Variants in MBD5 observed in about 807,000 individuals in gnomAD.
MBD5 encodes methyl-CpG binding domain protein 5.
Under a neutral mutation model 117.3 loss-of-function variants are expected in MBD5, and 13 were observed. That is an observed-to-expected ratio of 0.11 (90% CI 0.07 to 0.18). MBD5 has a LOEUF of 0.18. MBD5 is among the 10% of genes least tolerant of loss of function. MBD5 has a pLI of 1.00. For synonymous variants in MBD5, 727 were observed against 766.4 expected (o/e 0.95, Z 0.85); for missense variants, 1,879 against 2,093.8 (o/e 0.90, Z 2.00).
intron 1 of MBD5, among the ~76,000 whole-genome samples, chr2:148,061,897 A>C (rs72855289): frequency 6.6e-6 from 1 of 150,888 alleles, no homozygotes; most frequent in Non-Finnish European, 1.5e-5. Flanking sequence ...GGTCCTCAGG[A>C]TTTTAAATAT....
chr2:148,383,477 C>T (rs985574054), intron 4 of MBD5, among the ~76,000 whole-genome samples: 1 of 151,994 alleles, frequency 6.6e-6, no homozygotes, highest in Non-Finnish European at 1.5e-5. Context: ...CCTTACCAAC[C>T]AAAAGAAGTC....
At position 148,417,288 on chromosome 2, in the gene MBD5, CTTT is replaced by C. The variant is rs745409695; in HGVS notation, c.-556-40895_-556-40893del. On this transcript the variant is annotated intron_variant, in intron 4 of 13. Coordinates refer to ENST00000642680, the MANE Select transcript of MBD5 (RefSeq NM_001378120.1). Reference sequence around the variant, plus strand: ...CAGACATGTGCCACCATGCACAGCTCTTTTTTTTTTTTTTTTTTTTTTGTACTT... The same window carrying C: ...CAGACATGTGCCACCATGCACAGCTCTTTTTTTTTTTTTTTTTTTGTACTT... Among the ~76,000 whole-genome samples the C allele has an allele frequency of 1.1e-3, 104 of 91,818 alleles. 1 individual carries two copies. The highest frequency in any genetic ancestry group is 1.4e-3 in the Non-Finnish European group (70 of 49,372). 60.2% of individuals were successfully genotyped at this position (91,818 alleles called of 152,430 possible). A position where few individuals can be genotyped will look rare whatever the true frequency, so the allele number is the denominator to read the frequency against.
chr2:148,332,590 T>C (rs1702687326), intron 3 of MBD5, among the ~76,000 whole-genome samples: 1 of 152,206 alleles, frequency 6.6e-6, no homozygotes, highest in South Asian at 2.1e-4. Context: ...GGTTTGTAAT[T>C]CATTTTCTTT....
At chr2:148,044,982 T>A (rs1694475968) in intron 1 of MBD5, 1 of 152,210 alleles carries the variant, frequency 6.6e-6, no homozygotes, top group African/African-American at 2.4e-5. Context: ...TGGTAACTGT[T>A]GAATTCAATT....
At chr2:148,055,565 T>G (rs538834873) in intron 1 of MBD5, 19 of 152,654 alleles carry the variant, frequency 1.2e-4, no homozygotes, top group African/African-American at 4.1e-4. Context: ...TCTGAGTAAC[T>G]GGGACTACAT....
At chr2:148,332,800 C>G (rs1384819254) in intron 3 of MBD5, among the ~76,000 whole-genome samples, 1 of 151,852 alleles carries the variant, frequency 6.6e-6, no homozygotes, top group African/African-American at 2.4e-5. Context: ...CTCAGTGAGC[C>G]CTTTTAATCT....
chr2:148,109,169 C>T (rs909831730), intron 1 of MBD5, among the ~76,000 whole-genome samples: 1 of 152,118 alleles, frequency 6.6e-6, no homozygotes. Flanking sequence ...CCTATAATCT[C>T]AGCACTTTGG....
chr2:148,273,173 A>G (rs1003879916), intron 3 of MBD5, among the ~76,000 whole-genome samples: 1 of 152,182 alleles, frequency 6.6e-6, no homozygotes, highest in African/African-American at 2.4e-5. Context: ...TCATGCTTCC[A>G]ACCTCACAAA....
chr2:148,310,705 CT>C (rs1390054622), intron 3 of MBD5, among the ~76,000 whole-genome samples: 1 of 152,056 alleles, frequency 6.6e-6, no homozygotes, highest in Non-Finnish European at 1.5e-5. Context: ...AATTTGTTTG[CT>C]CTTACTTCTT....
At chr2:148,072,224 G>A (rs1189305137) in intron 1 of MBD5, among the ~76,000 whole-genome samples, 1 of 151,912 alleles carries the variant, frequency 6.6e-6, no homozygotes, top group South Asian at 2.1e-4. Context: ...AATACCTTTG[G>A]GTAATTAGAC....
At chr2:148,425,901 C>A (rs546247433) in intron 4 of MBD5, among the ~76,000 whole-genome samples, 1 of 152,216 alleles carries the variant, frequency 6.6e-6, no homozygotes, top group African/African-American at 2.4e-5. Flanking sequence ...ATAATAAGAG[C>A]TATGTATGTC....
At chr2:148,245,377 C>G (rs1023786493) in intron 3 of MBD5, among the ~76,000 whole-genome samples, 5 of 152,244 alleles carry the variant, frequency 3.3e-5, no homozygotes, top group African/African-American at 1.2e-4. Context: ...AGGCGCCCAC[C>G]ACCATTCCTG....
At chr2:148,386,553 C>A (rs1363933885) in intron 4 of MBD5, among the ~76,000 whole-genome samples, 1 of 151,156 alleles carries the variant, frequency 6.6e-6, no homozygotes, top group Non-Finnish European at 1.5e-5. Context: ...CCCGTCTCTA[C>A]TAAAAATACA....
rs1440368277 is a variant in MBD5 at position 148,233,357 on chromosome 2, T to C, written c.-718T>C. 4 of 152,152 alleles carry C rather than the reference T, an allele frequency of 2.6e-5. No individual in the cohort carries two copies. The highest frequency in any genetic ancestry group is 5.9e-5 in the Non-Finnish European group (4 of 68,022). 9.4% of individuals were successfully genotyped at this position (152,152 alleles called of 1,614,324 possible). On this transcript the variant is annotated 5_prime_UTR_variant, in exon 3 of 14. It removes an upstream start codon present in the reference 5' UTR. Coordinates refer to ENST00000642680, the MANE Select transcript of MBD5 (RefSeq NM_001378120.1). ...ATCAAACACAGAGGAATGACCACCA[T>C]GGCAGATGGCAACAGAGGATGTCAA...
chr2:148,282,391 A>T (rs1200723835), intron 3 of MBD5, among the ~76,000 whole-genome samples: 1 of 152,146 alleles, frequency 6.6e-6, no homozygotes, highest in Non-Finnish European at 1.5e-5. Flanking sequence ...AATTGGATGG[A>T]TTCAAATCCT....
chr2:148,282,036 T>A (rs1037112192), intron 3 of MBD5, among the ~76,000 whole-genome samples: 16 of 152,194 alleles, frequency 1.1e-4, no homozygotes, highest in Non-Finnish European at 2.1e-4. Flanking sequence ...TGACTTTTAT[T>A]TTTAGTACAG....
At chr2:148,267,545 A>G (rs1015867437) in intron 3 of MBD5, among the ~76,000 whole-genome samples, 3 of 152,196 alleles carry the variant, frequency 2.0e-5, no homozygotes, top group African/African-American at 7.2e-5. Flanking sequence ...ATAATATATT[A>G]CTGACAAAGC....
Position 148,328,470 on chromosome 2 carries a change from C to A in MBD5, c.-679-13744C>A, listed in dbSNP as rs1212068967. Among the ~76,000 whole-genome samples, 6 of 152,240 alleles carry A rather than the reference C, an allele frequency of 3.9e-5. No homozygotes were observed. In the South Asian group the frequency reaches 1.2e-3, roughly 31 times the overall value. On this transcript the variant is annotated intron_variant, in intron 3 of 13. Transcript: ENST00000642680. ...TGCTGCCTTGCAGTTTGATCTCAGACTGCTGTGCTAGCAATCAGCCAGACT... is the reference window on the plus strand; with the variant it reads ...TGCTGCCTTGCAGTTTGATCTCAGAATGCTGTGCTAGCAATCAGCCAGACT...
chr2:148,037,460 T>C (rs1694225604), intron 1 of MBD5, among the ~76,000 whole-genome samples: 1 of 151,940 alleles, frequency 6.6e-6, no homozygotes, highest in African/African-American at 2.4e-5. Flanking sequence ...CTAAAAAATA[T>C]CAAGTTATAT....
Sources: allele counts gnomAD v4.1 joint callset (sites outside exome capture counted in the v4.1 genomes callset), GRCh38; gene constraint gnomAD v4.1.1; transcripts MANE v1.5; gene names NCBI Gene and HGNC (gene_info 2026-07-23, HGNC 2026-07-21).